PRKCH: variants seen among roughly 807,000 people sequenced by gnomAD.
PRKCH encodes the protein protein kinase C eta type.
PRKCH carries 28 observed loss-of-function variants against 82.5 expected under a neutral mutation model. That is an observed-to-expected ratio of 0.34 (90% CI 0.25 to 0.47). The LOEUF (loss-of-function observed/expected upper bound fraction) is 0.47. Among genes scored for constraint, PRKCH ranks in the 20% least tolerant of loss-of-function variants. The pLI, the probability that PRKCH is intolerant of heterozygous loss-of-function variation, is 1.00. For missense variants in PRKCH, 705 were observed against 881.8 expected, an observed-to-expected ratio of 0.80 and a Z score of 2.54; for synonymous variants, 322 against 327.4, an observed-to-expected ratio of 0.98 and a Z score of 0.18.
chr14:61,395,352 G>A (rs1231425191), intron 2 of PRKCH, among the ~76,000 whole-genome samples: 2 of 144,190 alleles, frequency 1.4e-5, no homozygotes, highest in African/African-American at 2.5e-5. Flanking sequence ...CTGAGAGCAT[G>A]TCCCTAGCTT....
intron 1 of PRKCH, among the ~76,000 whole-genome samples, chr14:61,233,697 T>C (rs1171966368): frequency 6.6e-6 from 1 of 152,292 alleles, no homozygotes; most frequent in East Asian, 1.9e-4. Context: ...TATCACGAGA[T>C]CTGATGGTTT....
intron 2 of PRKCH, among the ~76,000 whole-genome samples, chr14:61,432,972 G>A (rs1396225803): frequency 1.4e-5 from 2 of 142,588 alleles, no homozygotes; most frequent in African/African-American, 5.3e-5. Context: ...ATAAGTATAC[G>A]TGTACCATGG....
chr14:61,541,493 G>A (rs1426535822), intron 12 of PRKCH, among the ~76,000 whole-genome samples: 2 of 152,212 alleles, frequency 1.3e-5, no homozygotes, highest in African/African-American at 2.4e-5. Context: ...CTGTGGCATA[G>A]TTTCCTTGCC....
intron 1 of PRKCH, among the ~76,000 whole-genome samples, chr14:61,268,083 T>C (rs1291026982): frequency 6.6e-6 from 1 of 152,222 alleles, no homozygotes; most frequent in East Asian, 1.9e-4. Flanking sequence ...AGACAGAATC[T>C]TCAATGTCTA....
intron 4 of PRKCH, 109 bp from the exon 5 acceptor site, chr14:61,449,055 C>T: frequency 1.7e-5 from 16 of 940,872 alleles, no homozygotes; most frequent in Non-Finnish European, 2.7e-5. Context: ...GTCAAGGGGG[C>T]CAGACGAGTC....
chr14:61,294,057 A>G (rs2045386091), intron 1 of PRKCH, among the ~76,000 whole-genome samples: 1 of 151,636 alleles, frequency 6.6e-6, no homozygotes, highest in African/African-American at 2.4e-5. Context: ...AACGCTCTCC[A>G]CTCCCAGAGA....
rs569124900 is a variant in PRKCH at position 61,282,439 on chromosome 14, A to G, written c.-19+94771A>G. 2.8e-3 allele frequency among the ~76,000 whole-genome samples: 419 copies of G among 152,300 alleles called. 3 individuals carry two copies. The highest frequency in any genetic ancestry group is 9.7e-3 in the African/African-American group (403 of 41,558). On this transcript the variant is annotated intron_variant, in intron 1 of 3. Coordinates refer to the PRKCH transcript ENST00000555185. ...ATGTTTTCTCTATTACACTACACCT[A>G]GCATAATATATTATATTCAGGAGTC...
At chr14:61,503,818 A>T (rs1000990342) in intron 10 of PRKCH, among the ~76,000 whole-genome samples, 1 of 152,134 alleles carries the variant, frequency 6.6e-6, no homozygotes, top group Non-Finnish European at 1.5e-5. Flanking sequence ...TCGAGGGCTT[A>T]CCATGCAGAG....
chr14:61,488,159 A>T (rs1886310281), intron 10 of PRKCH, among the ~76,000 whole-genome samples: 1 of 152,008 alleles, frequency 6.6e-6, no homozygotes, highest in Admixed American at 6.5e-5. Flanking sequence ...CTCAAAAAAA[A>T]AAAAAAGAAA....
rs138628786 is a variant in PRKCH at position 61,357,565 on chromosome 14, T to C, written c.364-33660T>C. Among the ~76,000 whole-genome samples the C allele has an allele frequency of 2.1e-3, 315 of 152,332 alleles. 5 individuals are homozygous for C. The highest frequency in any genetic ancestry group is 0.019 in the East Asian group (97 of 5,168). ...GTTACTGTCTCTTTCTCCTTGGCTGTCAAATGTTCTCTGCGTTTTCCATTT... is the reference window on the plus strand; with the variant it reads ...GTTACTGTCTCTTTCTCCTTGGCTGCCAAATGTTCTCTGCGTTTTCCATTT... On this transcript the variant is annotated intron_variant, in intron 1 of 13. Transcript: ENST00000332981.
Position 61,280,344 on chromosome 14 carries a change from G to T in PRKCH, c.-19+92676G>T. 1 of 1,613,944 alleles carries T rather than the reference G, an allele frequency of 6.2e-7. No homozygotes were observed. Among genetic ancestry groups the T allele is most frequent in the Non-Finnish European group, 8.5e-7 (1 of 1,179,938 alleles). On this transcript the variant is annotated intron_variant, in intron 1 of 3. Transcript: ENST00000555185. This position sits in a 1 kb window ranked among gnomAD's most constrained non-coding sequence, Gnocchi z 5.0. ...CGGCCGAGTAGTTGCCCTGGCGGAT[G>T]CGCGCGTACAGTTTGCGGAACGTGG...
chr14:61,206,547 C>A (rs538841250), intron 1 of PRKCH, among the ~76,000 whole-genome samples: 3 of 152,162 alleles, frequency 2.0e-5, no homozygotes. Context: ...TTTTAGGGGA[C>A]ACTAATGAAC....
intron 1 of PRKCH, among the ~76,000 whole-genome samples, chr14:61,243,150 T>C (rs1384326932): frequency 6.6e-6 from 1 of 151,972 alleles, no homozygotes. Context: ...ATCTCAGCAC[T>C]TTGGGAGGTC....
chr14:61,400,059 G>A (rs1456486033), intron 2 of PRKCH, among the ~76,000 whole-genome samples: 1 of 152,170 alleles, frequency 6.6e-6, no homozygotes, highest in Non-Finnish European at 1.5e-5. Context: ...GCACAATGGT[G>A]CAGAATAAGA....
intron 10 of PRKCH, among the ~76,000 whole-genome samples, chr14:61,497,163 G>A (rs201655054): frequency 1.3e-5 from 2 of 152,268 alleles, no homozygotes; most frequent in East Asian, 3.9e-4. Context: ...GACTTTTAGA[G>A]CTGGCATTGT....
chr14:61,425,029 G>A (rs1883038450), intron 2 of PRKCH, among the ~76,000 whole-genome samples: 1 of 152,232 alleles, frequency 6.6e-6, no homozygotes, highest in Admixed American at 6.5e-5. Flanking sequence ...ATTGAGGTTT[G>A]GGAGCCTCAG....
intron 1 of PRKCH, among the ~76,000 whole-genome samples, chr14:61,343,813 A>C (rs2045958331): frequency 1.3e-5 from 2 of 152,182 alleles, no homozygotes; most frequent in Admixed American, 1.3e-4. Flanking sequence ...GATTATTTAG[A>C]ACAAATGTTT....
chr14:61,485,372 C>T, intron 9 of PRKCH, 130 bp from the exon 10 acceptor site: 1 of 1,226,248 alleles, frequency 8.2e-7, no homozygotes, highest in Non-Finnish European at 1.1e-6. Context: ...GACCCATGGT[C>T]AGGATGTTTC....
chr14:61,396,742 A>G (rs1212655543), intron 2 of PRKCH, among the ~76,000 whole-genome samples: 3 of 151,844 alleles, frequency 2.0e-5, no homozygotes, highest in Non-Finnish European at 4.4e-5. Context: ...AACGAAAAGG[A>G]GTGTGGAGGT....
Sources: allele counts gnomAD v4.1 joint callset (sites outside exome capture counted in the v4.1 genomes callset), GRCh38; gene constraint gnomAD v4.1.1; non-coding constraint Gnocchi (gnomAD v3.1); transcripts MANE v1.5; gene names NCBI Gene and HGNC (gene_info 2026-07-23, HGNC 2026-07-21).